The following KIRREL3 variants were observed in gnomAD, a reference collection of about 807,000 sequenced individuals.
KIRREL3 encodes the protein kin of IRRE-like protein 3.
Under a neutral mutation model 89.7 loss-of-function variants are expected in KIRREL3, and 36 were observed. That is an observed-to-expected ratio of 0.40 (90% CI 0.31 to 0.53). The LOEUF is 0.53. Among genes scored for constraint, KIRREL3 ranks in the 20% least tolerant of loss-of-function variants. The pLI is 0.49. For missense variants in KIRREL3, 864 were observed against 1,056.6 expected, an observed-to-expected ratio of 0.82 and a Z score of 2.53; for synonymous variants, 445 against 441.4, an observed-to-expected ratio of 1.01 and a Z score of -0.10.
intron 1 of KIRREL3, among the ~76,000 whole-genome samples, chr11:126,980,415 G>C (rs1016807616): frequency 6.6e-6 from 1 of 152,174 alleles, no homozygotes. Flanking sequence ...TGAAGGTATT[G>C]GGGCTTTGTT....
intron 1 of KIRREL3, among the ~76,000 whole-genome samples, chr11:126,702,095 G>C (rs1236765330): frequency 6.6e-6 from 1 of 152,176 alleles, no homozygotes; most frequent in African/African-American, 2.4e-5. Context: ...GTAAATCTGA[G>C]CTCTGCTCCA....
chr11:126,832,296 G>A (rs973211259), intron 1 of KIRREL3, among the ~76,000 whole-genome samples: 2 of 152,146 alleles, frequency 1.3e-5, no homozygotes, highest in Admixed American at 1.3e-4. Flanking sequence ...AGGCCAAGGG[G>A]TCAATGCATG....
chr11:126,880,968 G>T (rs73030484), intron 1 of KIRREL3, among the ~76,000 whole-genome samples: 1 of 152,182 alleles, frequency 6.6e-6, no homozygotes, highest in Non-Finnish European at 1.5e-5. Context: ...ATGCTGTACC[G>T]TGTGTTTATC....
At chr11:126,751,655 A>C (rs1185394896) in intron 1 of KIRREL3, among the ~76,000 whole-genome samples, 1 of 151,796 alleles carries the variant, frequency 6.6e-6, no homozygotes, top group Non-Finnish European at 1.5e-5. Context: ...CTCACTAAAT[A>C]TTCTTTTTGA....
At chr11:126,799,553 C>T in intron 1 of KIRREL3, among the ~76,000 whole-genome samples, 1 of 11,824 alleles carries the variant, frequency 8.5e-5, no homozygotes. Context: ...ATGATAAGAG[C>T]TTGGGGAAAG....
rs544741787 is a variant in KIRREL3, at chr11:126,560,378, G to C, written c.133+2457C>G. 9.2e-5 allele frequency among the ~76,000 whole-genome samples: 14 copies of C among 152,298 alleles called. No individual in the cohort carries two copies. The South Asian group carries it at 2.7e-3, about 29-fold the overall frequency. ...CGAAGCTATTAAGCACTCCCAAATA[G>C]AGCAAACCTCTCATTGACTATCACG... On this transcript the variant is annotated intron_variant, in intron 2 of 16. Transcript: ENST00000525144.
At chr11:126,556,547 A>G (rs10160348) in intron 2 of KIRREL3, among the ~76,000 whole-genome samples, 46,045 of 152,018 alleles carry the variant, frequency 0.3, 9,684 homozygotes, top group African/African-American at 0.59. Context: ...AGGCTGGGGT[A>G]GGATTGCTTG....
chr11:126,792,703 G>A (rs1950683933), intron 1 of KIRREL3, among the ~76,000 whole-genome samples: 1 of 152,178 alleles, frequency 6.6e-6, no homozygotes, highest in African/African-American at 2.4e-5. Flanking sequence ...GATTAACAAT[G>A]GTTACAAGTA....
At chr11:126,984,335 C>T (rs998757042) in intron 1 of KIRREL3, among the ~76,000 whole-genome samples, 7 of 152,182 alleles carry the variant, frequency 4.6e-5, no homozygotes, top group Admixed American at 2.0e-4. Context: ...GAGCCTGTAG[C>T]CTGTCTAGCC....
rs1406086552 is a variant in KIRREL3, at chr11:126,891,980, T to A, written c.55+108475A>T. The stretch of plus-strand genomic sequence containing the variant: ...AGGAATTCTAGGCCACTGCCAGCAT[T>A]GGGAATGGTTGGCTCCCTTCCCCTT... On this transcript the variant is annotated intron_variant, in intron 1 of 16. Coordinates refer to ENST00000525144, the MANE Select transcript of KIRREL3 (RefSeq NM_032531.4). This position sits in a 1 kb window ranked among gnomAD's most constrained non-coding sequence, Gnocchi z 5.1. Among the ~76,000 whole-genome samples the A allele has an allele frequency of 6.6e-6, 1 of 152,148 alleles. No homozygotes were observed. The highest frequency in any genetic ancestry group is 1.9e-4 in the East Asian group (1 of 5,194).
At chr11:126,451,856 C>T (rs147507657) in intron 7 of KIRREL3, among the ~76,000 whole-genome samples, 3 of 152,124 alleles carry the variant, frequency 2.0e-5, no homozygotes, top group Non-Finnish European at 2.9e-5. Context: ...CAGGCTGTTA[C>T]AGTTGAAGTG....
chr11:126,829,892 T>G (rs1328793409), intron 1 of KIRREL3, among the ~76,000 whole-genome samples: 1 of 152,174 alleles, frequency 6.6e-6, no homozygotes, highest in Non-Finnish European at 1.5e-5. Flanking sequence ...AAGACTGGAT[T>G]TGCCAAGAAA....
rs375214938 is a variant in KIRREL3, at chr11:126,966,348, G to C, written c.55+34107C>G. Among the ~76,000 whole-genome samples the C allele has an allele frequency of 2.0e-5, 3 of 152,180 alleles. No homozygotes were observed. The East Asian group carries it at 5.8e-4, about 29-fold the overall frequency. On this transcript the variant is annotated intron_variant, in intron 1 of 16. Coordinates refer to ENST00000525144, the MANE Select transcript of KIRREL3 (RefSeq NM_032531.4). Reference sequence around the variant, plus strand: ...GAGTCAGAATTTTTGCCGATTGTCAGAGCAGCATGCGTCTCCTGGGGACCT... The same window carrying C: ...GAGTCAGAATTTTTGCCGATTGTCACAGCAGCATGCGTCTCCTGGGGACCT...
At chr11:126,585,763 G>A (rs889559804) in intron 1 of KIRREL3, among the ~76,000 whole-genome samples, 1 of 152,214 alleles carries the variant, frequency 6.6e-6, no homozygotes, top group Non-Finnish European at 1.5e-5. Flanking sequence ...CTGTCCAGAA[G>A]GCTTGTCACA....
At chr11:126,832,753 A>G (rs1305538577) in intron 1 of KIRREL3, among the ~76,000 whole-genome samples, 1 of 152,176 alleles carries the variant, frequency 6.6e-6, no homozygotes, top group Admixed American at 6.5e-5. Context: ...GTGGCTCAGG[A>G]GGCAGCAACT....
rs1304633264 is a variant in KIRREL3, at chr11:126,943,542, G to A, written c.55+56913C>T. 1.3e-5 allele frequency among the ~76,000 whole-genome samples: 2 copies of A among 152,214 alleles called. No homozygotes were observed. The highest frequency in any genetic ancestry group is 4.8e-5 in the African/African-American group (2 of 41,462). On this transcript the variant is annotated intron_variant, in intron 1 of 16. Coordinates refer to ENST00000525144, the MANE Select transcript of KIRREL3 (RefSeq NM_032531.4). The surrounding 1 kb of genome is among the most constrained non-coding windows in gnomAD (Gnocchi z 4.2). ...GAGCATGGGTGAAGGATGAGCCCAGGACAAGATTAAATCAGCAGACTGAAC... is the reference window on the plus strand; with the variant it reads ...GAGCATGGGTGAAGGATGAGCCCAGAACAAGATTAAATCAGCAGACTGAAC...
intron 4 of KIRREL3, among the ~76,000 whole-genome samples, chr11:126,509,584 G>C (rs894209277): frequency 1.3e-5 from 2 of 152,220 alleles, no homozygotes; most frequent in Non-Finnish European, 2.9e-5. Flanking sequence ...GATGGACCCA[G>C]ATTTTGCCAG....
Position 126,587,305 on chromosome 11 carries a change from A to G in KIRREL3, c.56-24393T>C, listed in dbSNP as rs79919478. On this transcript the variant is annotated intron_variant, in intron 1 of 16. Transcript: ENST00000525144. The surrounding 1 kb of genome is among the most constrained non-coding windows in gnomAD (Gnocchi z 5.2). The stretch of plus-strand genomic sequence containing the variant: ...CGTGTGCAAAGGCTGGGAGGTCAGA[A>G]AGAACACACTCTGCTCCGGTGATGG... Among the ~76,000 whole-genome samples the G allele has an allele frequency of 7.2e-5, 11 of 152,304 alleles. No individual in the cohort carries two copies. The East Asian group carries it at 2.1e-3, about 29-fold the overall frequency.
At chr11:126,693,594 T>A (rs1946965561) in intron 1 of KIRREL3, among the ~76,000 whole-genome samples, 1 of 133,092 alleles carries the variant, frequency 7.5e-6, no homozygotes, top group African/African-American at 2.9e-5. Context: ...CACATGCATG[T>A]GAGTGCCTGT....
Sources: gnomAD v4.1 joint callset for allele counts (sites outside exome capture counted in the v4.1 genomes callset) on GRCh38, gnomAD v4.1.1 for gene constraint, Gnocchi (gnomAD v3.1) non-coding constraint, MANE v1.5 for transcripts, NCBI Gene and HGNC (gene_info 2026-07-23, HGNC 2026-07-21) for gene names.